GMDS: variants seen among roughly 807,000 people sequenced by gnomAD.
The protein encoded by GMDS is GDP-mannose 4,6 dehydratase.
A neutral mutation model predicts 49.9 loss-of-function variants in GMDS; 20 were observed. That is an observed-to-expected ratio of 0.40 (90% CI 0.28 to 0.58). The LOEUF (loss-of-function observed/expected upper bound fraction) is 0.58, where lower values mean the gene tolerates loss of function less well. Among genes scored for constraint, GMDS ranks in the 20% least tolerant of loss-of-function variants. The pLI is 0.42. For missense variants in GMDS, 362 were observed against 481.4 expected (o/e 0.75, Z 2.32); for synonymous variants, 177 against 178.6 (o/e 0.99, Z 0.07).
intron 9 of GMDS, among the ~76,000 whole-genome samples, chr6:1,657,414 G>A (rs1274251187): frequency 6.6e-6 from 1 of 152,204 alleles, no homozygotes. Context: ...GTCTCAGTAT[G>A]ACAGCAACAT....
chr6:1,798,958 C>G (rs1769843215), intron 7 of GMDS, among the ~76,000 whole-genome samples: 1 of 152,222 alleles, frequency 6.6e-6, no homozygotes, highest in Admixed American at 6.5e-5. Flanking sequence ...CCCCAACTTA[C>G]TTCTGTCAAA....
Position 2,156,438 on chromosome 6 carries a change from A to G in GMDS, c.103-31707T>C, listed in dbSNP as rs1259791976. Among the ~76,000 whole-genome samples the G allele has an allele frequency of 3.9e-5, 6 of 152,176 alleles. No individual in the cohort carries two copies. The South Asian group carries it at 1.2e-3, about 31-fold the overall frequency. On this transcript the variant is annotated intron_variant, in intron 1 of 10. Transcript: ENST00000380815. ...CTTGCACAGTATCAGCCCACAGCAC[A>G]TGCTCGACAAATGGTGAGATTAATA... is the stretch of plus-strand genomic sequence containing the variant.
chr6:2,243,483 A>T (rs1781711191), intron 1 of GMDS, among the ~76,000 whole-genome samples: 1 of 152,182 alleles, frequency 6.6e-6, no homozygotes, highest in Non-Finnish European at 1.5e-5. Context: ...TACTTTCCAG[A>T]GATTAGGTAA....
At chr6:1,654,679 C>T (rs1376877384) in intron 9 of GMDS, among the ~76,000 whole-genome samples, 1 of 152,068 alleles carries the variant, frequency 6.6e-6, no homozygotes, top group Non-Finnish European at 1.5e-5. Flanking sequence ...GATGGCTGCA[C>T]AACACTGTGA....
intron 1 of GMDS, among the ~76,000 whole-genome samples, chr6:2,155,332 C>A (rs2127541069): frequency 6.6e-6 from 1 of 152,070 alleles, no homozygotes; most frequent in South Asian, 2.1e-4. Context: ...ATGATTTTTC[C>A]CCAATAATTA....
At chr6:1,674,714 ATTT>A (rs34312038) in intron 9 of GMDS, among the ~76,000 whole-genome samples, 43 of 142,686 alleles carry the variant, frequency 3.0e-4, no homozygotes, top group Non-Finnish European at 3.5e-4. Context: ...CACCCAGCTA[ATTT>A]TTTTTTTTTT....
At position 1,960,763 on chromosome 6, in the gene GMDS, C is replaced by A. The variant is rs1292210125; in HGVS notation, c.538+11G>T. 1.3e-6 allele frequency: 2 copies of A among 1,550,864 alleles called. No individual in the cohort carries two copies. Among genetic ancestry groups the A allele is most frequent in the East Asian group, 2.3e-5 (1 of 44,158 alleles). On this transcript the variant is annotated intron_variant, in intron 5 of 10. Coordinates refer to ENST00000380815, the MANE Select transcript of GMDS (RefSeq NM_001500.4). ...CCACACATGTGCTCCGGTGTGCACGCATGTTCTCACCATAGGGTGACCGGG... is the reference window on the plus strand; with the variant it reads ...CCACACATGTGCTCCGGTGTGCACGAATGTTCTCACCATAGGGTGACCGGG...
chr6:1,754,693 C>T (rs1767873831), intron 7 of GMDS, among the ~76,000 whole-genome samples: 1 of 152,146 alleles, frequency 6.6e-6, no homozygotes, highest in Non-Finnish European at 1.5e-5. Context: ...ATCAAGTCGG[C>T]TTCATCCCTG....
intron 9 of GMDS, among the ~76,000 whole-genome samples, chr6:1,650,452 C>T (rs1327385917): frequency 6.6e-6 from 1 of 152,150 alleles, no homozygotes; most frequent in African/African-American, 2.4e-5. Flanking sequence ...TATTCCAGTC[C>T]GTTCAGATTC....
rs1349438032 is a variant in GMDS at position 2,087,107 on chromosome 6, CAT to C, written c.345+28662_345+28663del. Among the ~76,000 whole-genome samples, 5 of 152,186 alleles carry C rather than the reference CAT, an allele frequency of 3.3e-5. No homozygotes were observed. In the East Asian group the frequency reaches 5.8e-4, roughly 18 times the overall value. ...GGCCTTTCCACTCCCACCACAGGCA[CAT>C]GTTTGGTATTGTTCTCACACAACAT... On this transcript the variant is annotated intron_variant, in intron 4 of 10. Coordinates refer to ENST00000380815, the MANE Select transcript of GMDS (RefSeq NM_001500.4).
intron 4 of GMDS, among the ~76,000 whole-genome samples, chr6:1,997,911 A>C (rs979666052): frequency 5.3e-5 from 8 of 152,176 alleles, no homozygotes; most frequent in Non-Finnish European, 1.0e-4. Context: ...AGGCAGGGGA[A>C]ACGGCCTTTC....
intron 4 of GMDS, among the ~76,000 whole-genome samples, chr6:2,000,033 ATCT>A (rs1362071261): frequency 9.8e-5 from 2 of 20,446 alleles, no homozygotes; most frequent in Admixed American, 9.1e-4. Context: ...ATATATCTAT[ATCT>A]TTTTTTTTTT....
In GMDS at chr6:1,640,533, C is replaced by A. The variant is rs564643247; in HGVS notation, c.988-15993G>T. The stretch of plus-strand genomic sequence containing the variant: ...TGCTGAGCGGCTCTCTGAGGCTATC[C>A]CATGCCCGTGGAACATGCTGGATGT... On this transcript the variant is annotated intron_variant, in intron 9 of 10. Coordinates refer to ENST00000380815, the MANE Select transcript of GMDS (RefSeq NM_001500.4). The surrounding 1 kb of genome is among the most constrained non-coding windows in gnomAD (Gnocchi z 4.0). Among the ~76,000 whole-genome samples the A allele has an allele frequency of 6.6e-6, 1 of 152,326 alleles. No individual in the cohort carries two copies. The highest frequency in any genetic ancestry group is 6.5e-5 in the Admixed American group (1 of 15,310).
chr6:1,856,077 C>T (rs1047589920), intron 7 of GMDS, among the ~76,000 whole-genome samples: 6 of 152,206 alleles, frequency 3.9e-5, no homozygotes, highest in African/African-American at 1.4e-4. Flanking sequence ...AGTAAAGTAT[C>T]TTGGGAATCC....
intron 4 of GMDS, among the ~76,000 whole-genome samples, chr6:1,969,955 G>T (rs1314852679): frequency 1.3e-5 from 2 of 152,118 alleles, no homozygotes; most frequent in African/African-American, 4.8e-5. Flanking sequence ...AATATTACTT[G>T]AATAAATAAG....
chr6:2,048,188 A>C (rs996909756), intron 4 of GMDS, among the ~76,000 whole-genome samples: 1 of 152,076 alleles, frequency 6.6e-6, no homozygotes, highest in Non-Finnish European at 1.5e-5. Context: ...TGTATGAGAG[A>C]TCTTTCCCTA....
chr6:1,877,709 A>G (rs901927991), intron 7 of GMDS, among the ~76,000 whole-genome samples: 3 of 151,490 alleles, frequency 2.0e-5, no homozygotes, highest in African/African-American at 7.3e-5. Flanking sequence ...CTGAAGAGAC[A>G]TTTAAAGAAT....
At chr6:1,923,917 C>T (rs1761857603) in intron 7 of GMDS, among the ~76,000 whole-genome samples, 1 of 152,132 alleles carries the variant, frequency 6.6e-6, no homozygotes, top group Non-Finnish European at 1.5e-5. Context: ...ACCTATGTAC[C>T]CTTCCAGAGG....
chr6:1,874,360 G>A (rs1216653981), intron 7 of GMDS, among the ~76,000 whole-genome samples: 1 of 152,188 alleles, frequency 6.6e-6, no homozygotes, highest in African/African-American at 2.4e-5. Context: ...TTAGTAAAAA[G>A]AGAGTTGGTC....
Sources: gnomAD v4.1 joint callset for allele counts (sites outside exome capture counted in the v4.1 genomes callset) on GRCh38, gnomAD v4.1.1 for gene constraint, Gnocchi (gnomAD v3.1) non-coding constraint, MANE v1.5 for transcripts, NCBI Gene and HGNC (gene_info 2026-07-23, HGNC 2026-07-21) for gene names.